MYRIP: variants seen among roughly 807,000 people sequenced by gnomAD.
MYRIP encodes myosin VIIA and Rab interacting protein.
A neutral mutation model predicts 98.0 loss-of-function variants in MYRIP; 49 were observed. The observed-to-expected ratio is 0.50, with a 90% confidence interval of 0.40 to 0.63. The LOEUF (loss-of-function observed/expected upper bound fraction) is 0.63, where lower values mean the gene tolerates loss of function less well. Ranked by LOEUF, MYRIP falls within the 30% of genes least tolerant of loss-of-function variation. The pLI, the probability that MYRIP is intolerant of heterozygous loss-of-function variation, is 0.00. For missense variants in MYRIP, 1,004 were observed against 1,058.2 expected (o/e 0.95, Z 0.71); for synonymous variants, 404 against 409.5 (o/e 0.99, Z 0.16).
Position 39,987,330 on chromosome 3 carries a change from C to T in MYRIP, c.111-56720C>T, listed in dbSNP as rs140936391. ...GCTTCATCCATGTCCCTGCAAACGA[C>T]GTGATGTCATTCCTTTTTATGGCTT... On this transcript the variant is annotated intron_variant, in intron 2 of 16. Transcript: ENST00000302541. Among the ~76,000 whole-genome samples the T allele has an allele frequency of 4.8e-3, 736 of 152,248 alleles. 4 individuals are homozygous for T. Among genetic ancestry groups the T allele is most frequent in the East Asian group, 0.027 (142 of 5,184 alleles).
At chr3:40,247,972 T>C (rs1034185152) in intron 13 of MYRIP, among the ~76,000 whole-genome samples, 2 of 152,246 alleles carry the variant, frequency 1.3e-5, no homozygotes, top group African/African-American at 4.8e-5. Context: ...TTATCTCAAC[T>C]GCACCGCCAG....
intron 3 of MYRIP, among the ~76,000 whole-genome samples, chr3:40,139,670 C>G (rs1283327268): frequency 1.3e-5 from 2 of 152,162 alleles, no homozygotes; most frequent in Non-Finnish European, 2.9e-5. Context: ...ACTTCAAACT[C>G]CTGGTCTCAA....
intron 2 of MYRIP, among the ~76,000 whole-genome samples, chr3:39,949,016 AG>A (rs1469107441): frequency 6.6e-6 from 1 of 152,174 alleles, no homozygotes; most frequent in Non-Finnish European, 1.5e-5. Flanking sequence ...TAAAATTTGT[AG>A]GCTTTAGTGA....
Position 40,082,830 on chromosome 3 carries a change from C to G in MYRIP, c.332+38559C>G, listed in dbSNP as rs182760083. 6.6e-5 allele frequency among the ~76,000 whole-genome samples: 10 copies of G among 152,270 alleles called. No individual in the cohort carries two copies. In the East Asian group the frequency reaches 1.5e-3, roughly 23 times the overall value. On this transcript the variant is annotated intron_variant, in intron 3 of 16. Transcript: ENST00000302541. ...GATGCTCATGAAGGCAACTGCATTT[C>G]TTTTGCAGATAAATTTCGGGAAATG...
rs1426784065 is a variant in MYRIP, at chr3:40,258,380, C to A, written c.*214C>A. The A allele has an allele frequency of 3.9e-6, 2 of 511,720 alleles. No homozygotes were observed. The highest frequency in any genetic ancestry group is 7.0e-6 in the Non-Finnish European group (2 of 284,708). 31.7% of individuals were successfully genotyped at this position (511,720 alleles called of 1,614,324 possible). ...TCTTGCCCACTCTCTGCCTTAGGCT[C>A]CCAGGGGAATCCAAGACAGAAAATG... On this transcript the variant is annotated 3_prime_UTR_variant, in exon 17 of 17. Coordinates refer to ENST00000302541, the MANE Select transcript of MYRIP (RefSeq NM_015460.4).
Position 40,210,035 on chromosome 3 carries a change from A to G in MYRIP, c.1847A>G (p.Gln616Arg), listed in dbSNP as rs1951878893. ...ESEPKTESENQKESLSSEDNS... is the reference protein window; with the variant it reads ...ESEPKTESENRKESLSSEDNS... ...GAGCCCAAGACAGAATCTGAGAACC[A>G]GAAGGAAAGTCTGTCCTCTGAAGAC... Residue 616 changes from glutamine to arginine, a missense_variant, in exon 11 of 17, where the codon CAG becomes CGG. By Grantham distance (43) the Gln-to-Arg change is conservative. This residue lies in a region of MYRIP where 880 missense variants were observed against 907.7 expected (regional missense o/e 0.97). Coordinates refer to ENST00000302541, the MANE Select transcript of MYRIP (RefSeq NM_015460.4). 2 of 1,614,130 alleles carry G rather than the reference A, an allele frequency of 1.2e-6. No individual in the cohort carries two copies. The highest frequency in any genetic ancestry group is 1.7e-6 in the Non-Finnish European group (2 of 1,179,970).
chr3:39,872,128 CT>C (rs1450903603), intron 1 of MYRIP, among the ~76,000 whole-genome samples: 7 of 151,792 alleles, frequency 4.6e-5, no homozygotes. Flanking sequence ...TTTTCATTTG[CT>C]TTTTTCTCCT....
chr3:39,837,705 T>C (rs955120753), intron 1 of MYRIP, among the ~76,000 whole-genome samples: 5 of 152,216 alleles, frequency 3.3e-5, no homozygotes, highest in African/African-American at 9.6e-5. Context: ...ACAGGCTCTT[T>C]TTTGGTTCCA....
rs1490069196 is a variant in MYRIP at position 40,034,478 on chromosome 3, A to G, written c.111-9572A>G. ...CCAAAAGACACATGAAAAAATGCTCATCATCACTGGCCATCAGAGAAATGC... is the reference window on the plus strand; with the variant it reads ...CCAAAAGACACATGAAAAAATGCTCGTCATCACTGGCCATCAGAGAAATGC... On this transcript the variant is annotated intron_variant, in intron 2 of 16. Coordinates refer to ENST00000302541, the MANE Select transcript of MYRIP (RefSeq NM_015460.4). Among the ~76,000 whole-genome samples the G allele has an allele frequency of 2.6e-5, 4 of 152,186 alleles. No homozygotes were observed. In the South Asian group the frequency reaches 8.3e-4, roughly 32 times the overall value.
At chr3:39,916,658 C>T (rs918358631) in intron 2 of MYRIP, among the ~76,000 whole-genome samples, 1 of 151,976 alleles carries the variant, frequency 6.6e-6, no homozygotes, top group East Asian at 1.9e-4. Flanking sequence ...CAAAGCATAC[C>T]ATTTCAAACC....
chr3:39,849,621 G>C (rs185207847), intron 1 of MYRIP, among the ~76,000 whole-genome samples: 2 of 152,262 alleles, frequency 1.3e-5, no homozygotes, highest in Non-Finnish European at 2.9e-5. Context: ...TCTTAGTTGT[G>C]TAAATTTGTT....
rs555149688 is a variant in MYRIP at position 39,873,899 on chromosome 3, A to G, written c.-30-26888A>G. Among the ~76,000 whole-genome samples the G allele has an allele frequency of 7.9e-3, 1,196 of 151,752 alleles. 16 individuals are homozygous for G. Among genetic ancestry groups the G allele is most frequent in the African/African-American group, 0.027 (1,126 of 41,072 alleles). ...AGAAAGGCATTGGTAGCTTGATGGG[A>G]ATGGCATTGAATCTGTAAATTACCT... On this transcript the variant is annotated intron_variant, in intron 1 of 16. Coordinates refer to ENST00000302541, the MANE Select transcript of MYRIP (RefSeq NM_015460.4).
At chr3:39,818,891 G>C (rs1306165574) in intron 1 of MYRIP, among the ~76,000 whole-genome samples, 1 of 152,132 alleles carries the variant, frequency 6.6e-6, no homozygotes, top group Non-Finnish European at 1.5e-5. Flanking sequence ...TAATACTACA[G>C]AAGGAAGAAC....
chr3:39,906,726 A>G (rs1354574407), intron 2 of MYRIP, among the ~76,000 whole-genome samples: 1 of 152,190 alleles, frequency 6.6e-6, no homozygotes. Context: ...GATTTCTACT[A>G]GTATTTGAGT....
At chr3:40,017,449 G>A (rs78981436) in intron 2 of MYRIP, among the ~76,000 whole-genome samples, 10,284 of 152,216 alleles carry the variant, frequency 0.068, 502 homozygotes, top group East Asian at 0.18. Context: ...GGATGAGGCA[G>A]CCTGTTAGTA....
At chr3:40,186,871 A>G (rs535491098) in intron 9 of MYRIP, among the ~76,000 whole-genome samples, 1 of 152,342 alleles carries the variant, frequency 6.6e-6, no homozygotes, top group East Asian at 1.9e-4. Flanking sequence ...CCCCAGACAC[A>G]GCATTAGGAG....
intron 2 of MYRIP, among the ~76,000 whole-genome samples, chr3:39,943,276 A>T (rs1423396299): frequency 1.3e-5 from 2 of 152,154 alleles, no homozygotes; most frequent in Non-Finnish European, 2.9e-5. Flanking sequence ...CCTATTTACT[A>T]TTATTTAGTT....
intron 2 of MYRIP, among the ~76,000 whole-genome samples, chr3:39,902,001 A>G (rs1372717328): frequency 3.9e-5 from 6 of 152,196 alleles, no homozygotes; most frequent in Non-Finnish European, 7.3e-5. Flanking sequence ...GAGAAAGGGC[A>G]TGAGTAGAGC....
intron 2 of MYRIP, among the ~76,000 whole-genome samples, chr3:39,962,831 G>GGCCAAGATGCTGGATTTGGAA (rs1364274522): frequency 6.6e-6 from 1 of 152,048 alleles, no homozygotes; most frequent in African/African-American, 2.4e-5. Context: ...GCCCATTCTT[G>GGCCAAGATGCTGGATTTGGAA]GCCAAGATGC....
Sources: allele counts gnomAD v4.1 joint callset (sites outside exome capture counted in the v4.1 genomes callset), GRCh38; gene constraint gnomAD v4.1.1; regional missense constraint gnomAD v4.1.1; transcripts MANE v1.5; gene names NCBI Gene and HGNC (gene_info 2026-07-23, HGNC 2026-07-21).